Variants in CCDC6 observed in about 807,000 individuals in gnomAD.
CCDC6 encodes coiled-coil domain-containing protein 6.
A neutral mutation model predicts 56.6 loss-of-function variants in CCDC6; 20 were observed. The observed-to-expected ratio is 0.35, with a 90% CI of 0.25 to 0.51. The LOEUF is 0.51. Ranked by LOEUF, CCDC6 falls within the 20% of genes least tolerant of loss-of-function variation. The pLI is 0.95. For missense variants in CCDC6, 367 were observed against 601.1 expected (o/e 0.61, Z 4.07); for synonymous variants, 241 against 234.4 (o/e 1.03, Z -0.26).
intron 3 of CCDC6, among the ~76,000 whole-genome samples, chr10:59,818,452 A>G (rs868135239): frequency 7.6e-6 from 1 of 131,252 alleles, no homozygotes; most frequent in Non-Finnish European, 1.6e-5. Flanking sequence ...TCTCAAGTAC[A>G]GTAGGTCCTT....
intron 1 of CCDC6, among the ~76,000 whole-genome samples, chr10:59,879,957 T>C (rs183796191): frequency 2.0e-5 from 3 of 152,298 alleles, no homozygotes; most frequent in Admixed American, 2.0e-4. Flanking sequence ...GGCTCCCTCA[T>C]ACATTTACAT....
chr10:59,803,640 T>C (rs2070595075), intron 7 of CCDC6, among the ~76,000 whole-genome samples: 1 of 152,198 alleles, frequency 6.6e-6, no homozygotes, highest in African/African-American at 2.4e-5. Context: ...TCTCTCTCAC[T>C]GGATCAGCTA....
intron 4 of CCDC6, among the ~76,000 whole-genome samples, chr10:59,813,141 T>C (rs2070686375): frequency 6.6e-6 from 1 of 152,226 alleles, no homozygotes; most frequent in African/African-American, 2.4e-5. Flanking sequence ...TTCAACTTCT[T>C]GGGTTTAGTG....
chr10:59,804,602 G>A, intron 6 of CCDC6, 82 bp from the exon 7 acceptor site: 1 of 798,642 alleles, frequency 1.3e-6, no homozygotes, highest in Non-Finnish European at 2.2e-6. Context: ...AATGTTTGGG[G>A]TTCACACCTT....
At chr10:59,881,014 A>AC in intron 1 of CCDC6, among the ~76,000 whole-genome samples, 1 of 151,714 alleles carries the variant, frequency 6.6e-6, no homozygotes, top group Non-Finnish European at 1.5e-5. Flanking sequence ...TGTCTGCCCG[A>AC]CCCCCTGCTG....
intron 7 of CCDC6, among the ~76,000 whole-genome samples, chr10:59,797,444 A>G (rs543713789): frequency 6.6e-6 from 1 of 152,098 alleles, no homozygotes; most frequent in East Asian, 1.9e-4. Context: ...AGCAAAAGAC[A>G]TGAGAAAGAA....
At chr10:59,883,671 G>C (rs2071362644) in intron 1 of CCDC6, among the ~76,000 whole-genome samples, 1 of 152,104 alleles carries the variant, frequency 6.6e-6, no homozygotes, top group South Asian at 2.1e-4. Context: ...TATTCTTTTT[G>C]TTGGTTTCAC....
At chr10:59,805,383 G>C (rs547000996) in intron 6 of CCDC6, 1 of 150,168 alleles carries the variant, frequency 6.7e-6, no homozygotes, top group East Asian at 1.9e-4. Context: ...GTTCCTAGTA[G>C]GGAAAGTATT....
Position 59,839,242 on chromosome 10 carries a change from C to T in CCDC6, c.454-6589G>A, listed in dbSNP as rs563960437. The stretch of plus-strand genomic sequence containing the variant: ...GGTCCTTGGCTTCAAAGCCTTTGCC[C>T]TCATCTCTGATGTGTGCTGCCATCC... On this transcript the variant is annotated intron_variant, in intron 2 of 8. Coordinates refer to ENST00000263102, the MANE Select transcript of CCDC6 (RefSeq NM_005436.5). Among the ~76,000 whole-genome samples, 5 of 152,314 alleles carry T rather than the reference C, an allele frequency of 3.3e-5. No homozygotes were observed. In the South Asian group the frequency reaches 1.0e-3, roughly 32 times the overall value.
At chr10:59,833,643 G>GGGC (rs1554884126) in intron 2 of CCDC6, among the ~76,000 whole-genome samples, 7 of 99,034 alleles carry the variant, frequency 7.1e-5, no homozygotes, top group Non-Finnish European at 1.3e-4. Flanking sequence ...TCTCAACTGG[G>GGGC]GGGGGGGGGG....
In CCDC6 at chr10:59,906,102, C is replaced by A. The variant is rs371855054; in HGVS notation, c.303+20G>T. The A allele has an allele frequency of 1.9e-5, 29 of 1,555,384 alleles. 1 individual carries two copies. The African/African-American group carries it at 3.5e-4, about 19-fold the overall frequency. Reference sequence around the variant, plus strand: ...GCGGGCGGAGGTCGGCGCTGCGGCGCGTCCCCGGGGGGCACTCACGATGGT... The same window carrying A: ...GCGGGCGGAGGTCGGCGCTGCGGCGAGTCCCCGGGGGGCACTCACGATGGT... On this transcript the variant is annotated intron_variant, in intron 1 of 8. Coordinates refer to ENST00000263102, the MANE Select transcript of CCDC6 (RefSeq NM_005436.5).
At chr10:59,855,046 T>C (rs1266179295) in intron 1 of CCDC6, among the ~76,000 whole-genome samples, 1 of 152,158 alleles carries the variant, frequency 6.6e-6, no homozygotes, top group Non-Finnish European at 1.5e-5. Flanking sequence ...TTATAAGCAG[T>C]AAAAGTGAAG....
intron 2 of CCDC6, among the ~76,000 whole-genome samples, chr10:59,840,227 G>GA (rs1564745973): frequency 1.1e-4 from 17 of 152,210 alleles, no homozygotes; most frequent in African/African-American, 3.9e-4. Context: ...GAAACCACTG[G>GA]GTCATAGAGA....
intron 7 of CCDC6, 57 bp from the exon 8 acceptor site, chr10:59,794,654 A>G (rs984063972): frequency 9.8e-6 from 15 of 1,530,448 alleles, no homozygotes; most frequent in Non-Finnish European, 1.4e-5. Context: ...GGTGTCTTCA[A>G]CTATCTAGGA....
chr10:59,792,068 G>A lies in CCDC6; in HGVS notation c.*849C>T, dbSNP rs1337922225. 8.8e-6 allele frequency: 2 copies of A among 227,852 alleles called. No homozygotes were observed. Among genetic ancestry groups the A allele is most frequent in the East Asian group, 6.4e-5 (1 of 15,602 alleles). 14.1% of individuals were successfully genotyped at this position (227,852 alleles called of 1,614,324 possible). A position where few individuals can be genotyped will look rare whatever the true frequency, so the allele number is the denominator to read the frequency against. ...AAGTACGAAAGGGGGAAGCCGCATT[G>A]TTTTTGTTACAATCACACTGCCTTC... On this transcript the variant is annotated 3_prime_UTR_variant, in exon 9 of 9. Coordinates refer to ENST00000263102, the MANE Select transcript of CCDC6 (RefSeq NM_005436.5).
Position 59,906,381 on chromosome 10 carries a change from C to G in CCDC6, c.44G>C (p.Gly15Ala), listed in dbSNP as rs777134350. Reference sequence around the variant, plus strand: ...CATGGCGGCCGAGCTGCTGCTGTTGCCCCCCGCCCCGTCCGTGTCGCTCTC... The same window carrying G: ...CATGGCGGCCGAGCTGCTGCTGTTGGCCCCCGCCCCGTCCGTGTCGCTCTC... ...ASESDTDGAG[G>A]NSSSSAAMQS... The change falls in exon 1 of 9, where the codon GGC (glycine) becomes GCC (alanine). Residue 15 changes from glycine (G) to alanine (A), a missense_variant. Transcript: ENST00000263102. The G allele has an allele frequency of 1.3e-6, 2 of 1,586,872 alleles. No individual in the cohort carries two copies. Among genetic ancestry groups the G allele is most frequent in the Admixed American group, 1.7e-5 (1 of 59,062 alleles).
chr10:59,833,701 G>A (rs1291798468), intron 2 of CCDC6, among the ~76,000 whole-genome samples: 3 of 150,586 alleles, frequency 2.0e-5, no homozygotes, highest in East Asian at 3.9e-4. Flanking sequence ...AGAATTAAGG[G>A]AAAAAAGTAA....
At chr10:59,825,030 G>A (rs1216265865) in intron 3 of CCDC6, among the ~76,000 whole-genome samples, 1 of 152,248 alleles carries the variant, frequency 6.6e-6, no homozygotes, top group African/African-American at 2.4e-5. Context: ...AATTTCATTG[G>A]ATTCCTCTAG....
intron 2 of CCDC6, among the ~76,000 whole-genome samples, chr10:59,834,101 T>C (rs2070859207): frequency 6.6e-6 from 1 of 152,114 alleles, no homozygotes; most frequent in African/African-American, 2.4e-5. Context: ...CAACGTTTCT[T>C]TGTAAACCCT....
Sources: allele counts gnomAD v4.1 joint callset (sites outside exome capture counted in the v4.1 genomes callset), GRCh38; gene constraint gnomAD v4.1.1; transcripts MANE v1.5; gene names NCBI Gene and HGNC (gene_info 2026-07-23, HGNC 2026-07-21).